Variants in PIP5K1B observed in about 807,000 individuals in gnomAD.
PIP5K1B encodes phosphatidylinositol-4-phosphate 5-kinase type 1 beta.
In PIP5K1B, 42 loss-of-function variants were observed where a neutral mutation model predicts 67.0. That is an observed-to-expected ratio of 0.63 (90% CI 0.49 to 0.81). The LOEUF (loss-of-function observed/expected upper bound fraction) is 0.81, where lower values mean the gene tolerates loss of function less well. PIP5K1B is among the 30% of genes least tolerant of loss of function. PIP5K1B has a pLI of 0.00. For synonymous variants in PIP5K1B, 214 were observed against 231.4 expected (o/e 0.92, Z 0.68); for missense variants, 459 against 646.3 (o/e 0.71, Z 3.14).
At chr9:68,877,540 A>G (rs1214645844) in intron 6 of PIP5K1B, among the ~76,000 whole-genome samples, 1 of 152,224 alleles carries the variant, frequency 6.6e-6, no homozygotes, top group African/African-American at 2.4e-5. Flanking sequence ...ATGCCATCAA[A>G]TATTTATTGT....
chr9:68,955,171 G>T (rs181880168), intron 14 of PIP5K1B, among the ~76,000 whole-genome samples: 1 of 152,300 alleles, frequency 6.6e-6, no homozygotes, highest in Non-Finnish European at 1.5e-5. Context: ...ATTGCTCATT[G>T]TCCTTGGCAT....
At chr9:68,822,725 C>A in intron 4 of PIP5K1B, 42 bp downstream of exon 4, 2 of 1,357,906 alleles carry the variant, frequency 1.5e-6, no homozygotes, top group Non-Finnish European at 2.1e-6. Context: ...CACCGTTTTG[C>A]TGTTTGGCAC....
chr9:68,983,646 T>G (rs923893945), intron 14 of PIP5K1B, among the ~76,000 whole-genome samples: 1 of 152,210 alleles, frequency 6.6e-6, no homozygotes, highest in Non-Finnish European at 1.5e-5. Flanking sequence ...CAATAACTAT[T>G]TGCAGCTGGG....
chr9:68,993,673 G>A (rs1353338765), intron 15 of PIP5K1B, among the ~76,000 whole-genome samples: 1 of 152,202 alleles, frequency 6.6e-6, no homozygotes, highest in Admixed American at 6.5e-5. Flanking sequence ...TTGGTCCCAT[G>A]TTGGATTCAT....
chr9:68,920,432 A>C (rs1016532705), intron 11 of PIP5K1B, among the ~76,000 whole-genome samples: 41 of 134,784 alleles, frequency 3.0e-4, no homozygotes, highest in Admixed American at 2.0e-3. Flanking sequence ...CAGTGGTGCA[A>C]TCTCAGCTCA....
At chr9:68,727,095 C>G (rs138707026) in intron 1 of PIP5K1B, among the ~76,000 whole-genome samples, 1 of 152,086 alleles carries the variant, frequency 6.6e-6, no homozygotes, top group East Asian at 1.9e-4. Context: ...GACTTTAGTA[C>G]TTAACGTTGC....
chr9:68,791,046 A>G (rs1332800220), intron 2 of PIP5K1B, among the ~76,000 whole-genome samples: 2 of 152,240 alleles, frequency 1.3e-5, no homozygotes, highest in Non-Finnish European at 2.9e-5. Context: ...TTCTGTATCA[A>G]TGCCAGGTAT....
At chr9:68,711,939 T>C (rs991467864) in intron 1 of PIP5K1B, among the ~76,000 whole-genome samples, 1 of 152,240 alleles carries the variant, frequency 6.6e-6, no homozygotes, top group East Asian at 1.9e-4. Context: ...TGGCGACTTT[T>C]CTGTTCTTCC....
intron 14 of PIP5K1B, among the ~76,000 whole-genome samples, chr9:68,973,158 C>G (rs1212365106): frequency 6.6e-6 from 1 of 152,172 alleles, no homozygotes; most frequent in Non-Finnish European, 1.5e-5. Flanking sequence ...CTTCCAGTGC[C>G]TGCTCCCGCA....
At chr9:68,752,202 G>A (rs1364718089) in intron 2 of PIP5K1B, among the ~76,000 whole-genome samples, 1 of 152,192 alleles carries the variant, frequency 6.6e-6, no homozygotes, top group Non-Finnish European at 1.5e-5. Flanking sequence ...CTTGCCCATA[G>A]TAGGTGCCCA....
chr9:68,936,506 C>A (rs935595637), intron 13 of PIP5K1B, among the ~76,000 whole-genome samples: 1 of 151,868 alleles, frequency 6.6e-6, no homozygotes, highest in Admixed American at 6.6e-5. Flanking sequence ...TTAGTATATT[C>A]TTTGGAGAAT....
chr9:69,003,465 T>C (rs1830916392), intron 15 of PIP5K1B, among the ~76,000 whole-genome samples: 1 of 64,818 alleles, frequency 1.5e-5, no homozygotes, highest in South Asian at 4.9e-4. Context: ...GTAATTATAG[T>C]TAAAAAAAAA....
chr9:68,826,920 T>G (rs1834016735), intron 4 of PIP5K1B, among the ~76,000 whole-genome samples: 1 of 102,220 alleles, frequency 9.8e-6, no homozygotes, highest in African/African-American at 3.8e-5. Context: ...CCTGGCTAAT[T>G]TTTTGTATTT....
At chr9:69,004,651 G>T (rs11144737) in intron 15 of PIP5K1B, among the ~76,000 whole-genome samples, 35,021 of 151,966 alleles carry the variant, frequency 0.23, 5,357 homozygotes, top group African/African-American at 0.43. Context: ...GTCCATCTGC[G>T]TGCTGGGGAG....
intron 15 of PIP5K1B, among the ~76,000 whole-genome samples, chr9:68,998,276 C>G (rs1375009519): frequency 1.3e-5 from 2 of 152,006 alleles, no homozygotes; most frequent in African/African-American, 4.8e-5. Context: ...AGGCTGGCCT[C>G]GAATTCGACC....
chr9:68,780,001 A>C, intron 2 of PIP5K1B: 1 of 908,518 alleles, frequency 1.1e-6, no homozygotes, highest in African/African-American at 1.8e-5. Context: ...AGGCGCCGCG[A>C]GTACGGACAT....
intron 14 of PIP5K1B, among the ~76,000 whole-genome samples, chr9:68,945,530 G>A (rs1587703304): frequency 6.6e-6 from 1 of 152,138 alleles, no homozygotes; most frequent in African/African-American, 2.4e-5. Context: ...CATTGCAAAG[G>A]CAACTTTTCT....
chr9:68,905,159 C>A (rs1825544244), intron 8 of PIP5K1B, among the ~76,000 whole-genome samples: 1 of 151,982 alleles, frequency 6.6e-6, no homozygotes, highest in South Asian at 2.1e-4. Context: ...AGCGGAAAGA[C>A]CCACAAAGTA....
chr9:68,921,266 G>T (rs2132533609), intron 11 of PIP5K1B, among the ~76,000 whole-genome samples: 1 of 151,600 alleles, frequency 6.6e-6, no homozygotes, highest in South Asian at 2.1e-4. Flanking sequence ...TTCAAGTCCA[G>T]TCTTGAATAT....
Sources: allele counts gnomAD v4.1 joint callset (sites outside exome capture counted in the v4.1 genomes callset), GRCh38; gene constraint gnomAD v4.1.1; transcripts MANE v1.5; gene names NCBI Gene and HGNC (gene_info 2026-07-23, HGNC 2026-07-21).